The following DPYSL2 variants were observed in gnomAD, a reference collection of about 807,000 sequenced individuals.
DPYSL2 encodes dihydropyrimidinase-related protein 2.
Under a neutral mutation model 69.9 loss-of-function variants are expected in DPYSL2, and 13 were observed. That is an observed-to-expected ratio of 0.19 (90% CI 0.12 to 0.30). DPYSL2 has a LOEUF of 0.30. Ranked by LOEUF, DPYSL2 falls within the 10% of genes least tolerant of loss-of-function variation. The pLI is 1.00. For synonymous variants in DPYSL2, 326 were observed against 359.1 expected (o/e 0.91, Z 1.04); for missense variants, 587 against 918.9 (o/e 0.64, Z 4.67).
chr8:26,514,751 G>C lies in DPYSL2; in HGVS notation c.354+72G>C, dbSNP rs1563370831. On this transcript the variant is annotated intron_variant, in intron 1 of 13. Transcript: ENST00000521913. The surrounding 1 kb of genome is among the most constrained non-coding windows in gnomAD (Gnocchi z 8.4). ...TCGCCCCTCCCTCGCCCCTGAGCCCGGCGCGCCCGCCTTCATGCCCCGCCC... is the reference window on the plus strand; with the variant it reads ...TCGCCCCTCCCTCGCCCCTGAGCCCCGCGCGCCCGCCTTCATGCCCCGCCC... 1.5e-6 allele frequency: 2 copies of C among 1,300,520 alleles called. No individual in the cohort carries two copies. Among genetic ancestry groups the C allele is most frequent in the Non-Finnish European group, 9.9e-7 (1 of 1,006,744 alleles). The allele number at this position is 1,300,520 out of a possible 1,614,324, so 80.6% of individuals were successfully genotyped here. A position where few individuals can be genotyped will look rare whatever the true frequency, so the allele number is the denominator to read the frequency against.
rs570997225 is a variant in DPYSL2, at chr8:26,609,676, C to T, written c.629-14467C>T. ...GGGCTGGACGCTGCCGGCTGCCACC[C>T]GTCGCTGAGCTGGAGCTCCCCAGAG... On this transcript the variant is annotated intron_variant, in intron 3 of 13. Coordinates refer to ENST00000521913, the MANE Select transcript of DPYSL2 (RefSeq NM_001197293.3). This position sits in a 1 kb window ranked among gnomAD's most constrained non-coding sequence, Gnocchi z 6.5. 3.9e-5 allele frequency among the ~76,000 whole-genome samples: 6 copies of T among 152,324 alleles called. No individual in the cohort carries two copies. In the South Asian group the frequency reaches 6.2e-4, roughly 16 times the overall value.
chr8:26,657,035 G>A lies in DPYSL2; in HGVS notation c.*1329G>A, dbSNP rs1803408830. The A allele has an allele frequency of 6.6e-6, 1 of 152,102 alleles. No individual in the cohort carries two copies. Among genetic ancestry groups the A allele is most frequent in the African/African-American group, 2.4e-5 (1 of 41,410 alleles). The allele number at this position is 152,102 out of a possible 1,614,324, so 9.4% of individuals were successfully genotyped here. ...ATCTTTTGAGATTCTAGAACACATG[G>A]GAGCTTTTTATTTTCGGGGAAAAAC... On this transcript the variant is annotated 3_prime_UTR_variant, in exon 14 of 14. Coordinates refer to ENST00000521913, the MANE Select transcript of DPYSL2 (RefSeq NM_001197293.3).
At chr8:26,594,172 T>G (rs1330962036) in intron 3 of DPYSL2, among the ~76,000 whole-genome samples, 2 of 152,220 alleles carry the variant, frequency 1.3e-5, no homozygotes, top group Non-Finnish European at 2.9e-5. Flanking sequence ...TCCACATGTG[T>G]AAAGTGGAGA....
intron 1 of DPYSL2, among the ~76,000 whole-genome samples, chr8:26,518,989 T>C (rs1433084603): frequency 6.6e-6 from 1 of 152,224 alleles, no homozygotes; most frequent in Non-Finnish European, 1.5e-5. Context: ...CTAACCAGCA[T>C]CTACCATCTT....
At chr8:26,636,900 C>A (rs942008454) in intron 8 of DPYSL2, among the ~76,000 whole-genome samples, 1 of 152,144 alleles carries the variant, frequency 6.6e-6, no homozygotes, top group South Asian at 2.1e-4. Flanking sequence ...CCCCATCACA[C>A]CCATCTAATT....
At chr8:26,604,474 G>A (rs1204749356) in intron 3 of DPYSL2, among the ~76,000 whole-genome samples, 1 of 152,218 alleles carries the variant, frequency 6.6e-6, no homozygotes, top group Non-Finnish European at 1.5e-5. Context: ...TGGGGAAAGA[G>A]GAGGTAAAGG....
Position 26,562,769 on chromosome 8 carries a change from C to A in DPYSL2, c.355-19200C>A, listed in dbSNP as rs1801093691. On this transcript the variant is annotated intron_variant, in intron 1 of 13. Transcript: ENST00000521913. The surrounding 1 kb of genome is among the most constrained non-coding windows in gnomAD (Gnocchi z 4.9). The stretch of plus-strand genomic sequence containing the variant: ...GATCAGGGATTTGAACACAGTAGAG[C>A]AGGGATATGTTGTCTCTGCTCCACG... Among the ~76,000 whole-genome samples, 2 of 152,136 alleles carry A rather than the reference C, an allele frequency of 1.3e-5. No homozygotes were observed. The highest frequency in any genetic ancestry group is 6.6e-5 in the Admixed American group (1 of 15,266).
At chr8:26,554,366 G>GT (rs35311135) in intron 1 of DPYSL2, among the ~76,000 whole-genome samples, 95,450 of 145,788 alleles carry the variant, frequency 0.65, 31,788 homozygotes, top group East Asian at 0.88. Context: ...GTTTTTAATG[G>GT]TTTTTTTTTT....
intron 10 of DPYSL2, among the ~76,000 whole-genome samples, chr8:26,645,700 C>T (rs1803147963): frequency 6.6e-6 from 1 of 151,962 alleles, no homozygotes; most frequent in Admixed American, 6.6e-5. Context: ...CAGGCGTGTG[C>T]CACCACACCC....
chr8:26,554,291 T>A (rs1800911133), intron 1 of DPYSL2, among the ~76,000 whole-genome samples: 1 of 152,190 alleles, frequency 6.6e-6, no homozygotes, highest in African/African-American at 2.4e-5. Flanking sequence ...TGAGCTTTTT[T>A]TCACATGCTT....
intron 7 of DPYSL2, among the ~76,000 whole-genome samples, chr8:26,629,101 C>T (rs937692825): frequency 9.2e-5 from 14 of 152,140 alleles, no homozygotes; most frequent in African/African-American, 2.2e-4. Flanking sequence ...GAGTGGGAGC[C>T]ACTCGGAATG....
rs764560894 is a variant in DPYSL2 at position 26,652,432 on chromosome 8, G to A, written c.1772G>A (p.Ser591Asn). 2.5e-6 allele frequency: 4 copies of A among 1,609,110 alleles called. No homozygotes were observed. The highest frequency in any genetic ancestry group is 2.7e-5 in the African/African-American group (2 of 74,718). Residue 591 changes from serine to asparagine, a missense_variant, in exon 12 of 14, where the codon AGC (serine) becomes AAC (asparagine). Physicochemically the swap from Ser to Asn is conservative, Grantham distance 46 (BLOSUM62 1). Transcript: ENST00000521913. This position sits in a 1 kb window ranked among gnomAD's most constrained non-coding sequence, Gnocchi z 6.3. ...GTTTACAAGCGTATCAAGGCAAGGAGCAGGGTGAGTAGTTTTGTTCTGATG... is the reference window on the plus strand; with the variant it reads ...GTTTACAAGCGTATCAAGGCAAGGAACAGGGTGAGTAGTTTTGTTCTGATG... ...DFVYKRIKAR[S>N]RLAELRGVPR...
rs532635347 is a variant in DPYSL2, at chr8:26,590,757, G to A, written c.628+6774G>A. Reference sequence around the variant, plus strand: ...TGCCTGGCACTGAGCAGAGCGGAGGGATCTCCTAATGCCTGGTGCGGTACA... The same window carrying A: ...TGCCTGGCACTGAGCAGAGCGGAGGAATCTCCTAATGCCTGGTGCGGTACA... On this transcript the variant is annotated intron_variant, in intron 3 of 13. Transcript: ENST00000521913. 2.0e-4 allele frequency among the ~76,000 whole-genome samples: 31 copies of A among 152,362 alleles called. 1 individual carries two copies. The South Asian group carries it at 6.0e-3, about 30-fold the overall frequency.
rs1803088413 is a variant in DPYSL2 at position 26,643,038 on chromosome 8, C to T, written c.1127-401C>T. The T allele has an allele frequency of 5.9e-6, 1 of 168,972 alleles. No homozygotes were observed. The highest frequency in any genetic ancestry group is 5.8e-5 in the Admixed American group (1 of 17,240). The allele number at this position is 168,972 out of a possible 1,614,324, so 10.5% of individuals were successfully genotyped here. On this transcript the variant is annotated intron_variant, in intron 8 of 13. Coordinates refer to ENST00000521913, the MANE Select transcript of DPYSL2 (RefSeq NM_001197293.3). This position sits in a 1 kb window ranked among gnomAD's most constrained non-coding sequence, Gnocchi z 6.5. ...ATTGTGAAAAGATTGTGTGAATGAA[C>T]AGGAAGGTTAAATTTGAGGTGCCAT...
intron 1 of DPYSL2, among the ~76,000 whole-genome samples, chr8:26,532,259 T>G (rs745492577): frequency 6.6e-6 from 1 of 152,132 alleles, no homozygotes; most frequent in Admixed American, 6.6e-5. Context: ...AGGGACTTTA[T>G]GTCTGGTGGA....
At position 26,621,989 on chromosome 8, in the gene DPYSL2, G is replaced by A. The variant is rs1020328777; in HGVS notation, c.629-2154G>A. ...GCTTCTGAAGGGTGATTTGTAGAAG[G>A]ACAAGAGATGAAGCCAGGGGAGTGG... On this transcript the variant is annotated intron_variant, in intron 3 of 13. Coordinates refer to ENST00000521913, the MANE Select transcript of DPYSL2 (RefSeq NM_001197293.3). This position sits in a 1 kb window ranked among gnomAD's most constrained non-coding sequence, Gnocchi z 4.9. 2.0e-5 allele frequency among the ~76,000 whole-genome samples: 3 copies of A among 152,178 alleles called. No individual in the cohort carries two copies. Among genetic ancestry groups the A allele is most frequent in the Non-Finnish European group, 4.4e-5 (3 of 68,032 alleles).
Position 26,565,702 on chromosome 8 carries a change from G to A in DPYSL2, c.355-16267G>A, listed in dbSNP as rs1801137176. Among the ~76,000 whole-genome samples the A allele has an allele frequency of 6.6e-6, 1 of 152,196 alleles. No homozygotes were observed. The highest frequency in any genetic ancestry group is 2.1e-4 in the South Asian group (1 of 4,826). ...TATGTATAATGACTCGAGCACAAAAGGAGTTTATTTGTATATCACATAATA... is the reference window on the plus strand; with the variant it reads ...TATGTATAATGACTCGAGCACAAAAAGAGTTTATTTGTATATCACATAATA... On this transcript the variant is annotated intron_variant, in intron 1 of 13. Transcript: ENST00000521913. The surrounding 1 kb of genome is among the most constrained non-coding windows in gnomAD (Gnocchi z 4.1).
rs539153347 is a variant in DPYSL2 at position 26,611,278 on chromosome 8, C to T, written c.629-12865C>T. 9.9e-5 allele frequency among the ~76,000 whole-genome samples: 15 copies of T among 152,204 alleles called. 1 individual carries two copies. Among genetic ancestry groups the T allele is most frequent in the Admixed American group, 7.9e-4 (12 of 15,282 alleles). ...TCACTGGGTGCTTGCTGTTCTCACA[C>T]GCACAGTTTCTACTGGCTCTCTAGC... On this transcript the variant is annotated intron_variant, in intron 3 of 13. Coordinates refer to ENST00000521913, the MANE Select transcript of DPYSL2 (RefSeq NM_001197293.3).
rs558736666 is a variant in DPYSL2, at chr8:26,578,676, C to T, written c.355-3293C>T. ...GTTCTCTGGGCTGCGTGCTGCGAGGCTGGACTCCTCCAGCAGCGATGGGGA... is the reference window on the plus strand; with the variant it reads ...GTTCTCTGGGCTGCGTGCTGCGAGGTTGGACTCCTCCAGCAGCGATGGGGA... On this transcript the variant is annotated intron_variant, in intron 1 of 13. Transcript: ENST00000521913. 1.8e-4 allele frequency: 170 copies of T among 954,926 alleles called. No homozygotes were observed. In the Middle Eastern group the frequency reaches 3.4e-3, roughly 19 times the overall value. The allele number at this position is 954,926 out of a possible 1,614,324, so 59.2% of individuals were successfully genotyped here.
Sources: gnomAD v4.1 joint callset for allele counts (sites outside exome capture counted in the v4.1 genomes callset) on GRCh38, gnomAD v4.1.1 for gene constraint, Gnocchi (gnomAD v3.1) non-coding constraint, MANE v1.5 for transcripts, NCBI Gene and HGNC (gene_info 2026-07-23, HGNC 2026-07-21) for gene names.